MAP3K19: variants seen among roughly 807,000 people sequenced by gnomAD.
MAP3K19 encodes the protein mitogen-activated protein kinase kinase kinase 19.
MAP3K19 carries 91 observed loss-of-function variants against 114.4 expected under a neutral mutation model. The ratio of observed to expected loss-of-function variants is 0.80; its 90% confidence interval spans 0.67 to 0.95. The LOEUF (loss-of-function observed/expected upper bound fraction) is 0.95. Among genes scored for constraint, MAP3K19 ranks in the 40% least tolerant of loss-of-function variants. MAP3K19 has a pLI of 0.00. For missense variants in MAP3K19, 1,471 were observed against 1,573.2 expected (o/e 0.94, Z 1.10); for synonymous variants, 518 against 530.5 (o/e 0.98, Z 0.32).
intron 2 of MAP3K19, among the ~76,000 whole-genome samples, chr2:135,036,637 ATGTG>A (rs57859657): frequency 0.21 from 28,770 of 139,956 alleles, 3,249 homozygotes; most frequent in East Asian, 0.39. Flanking sequence ...GTTCAACATT[ATGTG>A]TGTGTGTGTG....
intron 6 of MAP3K19, among the ~76,000 whole-genome samples, chr2:135,003,568 G>GTTTGTTTT (rs1559170755): frequency 6.7e-6 from 1 of 149,506 alleles, no homozygotes; most frequent in East Asian, 1.9e-4. Flanking sequence ...TTGTTTGTTT[G>GTTTGTTTT]TTTTGAGACG....
chr2:135,006,848 G>GAA (rs1234202601), intron 5 of MAP3K19, among the ~76,000 whole-genome samples: 5 of 147,462 alleles, frequency 3.4e-5, no homozygotes, highest in Admixed American at 6.8e-5. Context: ...GAGAGAGAGA[G>GAA]AAAAAAGAAA....
chr2:135,035,688 CAAT>C (rs113181535), intron 2 of MAP3K19, among the ~76,000 whole-genome samples: 6,811 of 152,192 alleles, frequency 0.045, 509 homozygotes, highest in African/African-American at 0.16. Context: ...AATTTTATCT[CAAT>C]AAAGCTGTTT....
intron 6 of MAP3K19, among the ~76,000 whole-genome samples, chr2:135,004,203 G>A (rs1180240968): frequency 6.6e-6 from 1 of 152,202 alleles, no homozygotes; most frequent in Non-Finnish European, 1.5e-5. Flanking sequence ...CTCCTGGAAG[G>A]TGCTTGGGAC....
At chr2:135,002,933 T>G (rs1375055268) in intron 6 of MAP3K19, among the ~76,000 whole-genome samples, 1 of 152,122 alleles carries the variant, frequency 6.6e-6, no homozygotes, top group Non-Finnish European at 1.5e-5. Context: ...CACCGCACAT[T>G]AATATGTTGA....
Position 134,988,211 on chromosome 2 carries a change from C to A in MAP3K19, c.661G>T (p.Val221Phe). 1.2e-6 allele frequency: 2 copies of A among 1,600,840 alleles called. No individual in the cohort carries two copies. Among genetic ancestry groups the A allele is most frequent in the South Asian group, 2.2e-5 (2 of 88,962 alleles). Residue 221 changes from valine to phenylalanine, a missense_variant, in exon 10 of 13, where the codon GTC becomes TTC. Transcript: ENST00000392915. ...TTGTGATTTTGGGGGATAGTAAGGA[C>A]ACCAGATCGCGTGGGCAAGAGTGAC... Reference protein sequence around the residue: ...PLSLLPTRSGVLTIPQNHKFP... With the variant: ...PLSLLPTRSGFLTIPQNHKFP...
chr2:135,030,116 T>C (rs9678501), intron 3 of MAP3K19, among the ~76,000 whole-genome samples, 196 bp downstream of exon 3: 4,102 of 152,320 alleles, frequency 0.027, 165 homozygotes, highest in African/African-American at 0.092. Context: ...AATCGACTGC[T>C]CCTGTGTTCT....
chr2:135,003,079 G>A (rs1028712725), intron 6 of MAP3K19, among the ~76,000 whole-genome samples: 1 of 152,132 alleles, frequency 6.6e-6, no homozygotes, highest in Admixed American at 6.5e-5. Flanking sequence ...ACTCACTTGT[G>A]CTCTGCCTCT....
chr2:135,017,896 T>C (rs1332716555), intron 5 of MAP3K19, among the ~76,000 whole-genome samples: 3 of 152,348 alleles, frequency 2.0e-5, no homozygotes, highest in African/African-American at 7.2e-5. Context: ...ACTGTTGTTT[T>C]ATGTACCACT....
intron 4 of MAP3K19, among the ~76,000 whole-genome samples, chr2:135,022,592 C>A (rs1488657257): frequency 6.6e-6 from 1 of 152,140 alleles, no homozygotes. Flanking sequence ...GAAGTTATTT[C>A]TTGGGAATTG....
At chr2:135,035,938 G>C (rs973735945) in intron 2 of MAP3K19, among the ~76,000 whole-genome samples, 6 of 152,122 alleles carry the variant, frequency 3.9e-5, no homozygotes, top group Non-Finnish European at 7.4e-5. Context: ...GGGTTCAAGC[G>C]ATTTTCCTGC....
Position 135,024,866 on chromosome 2 carries a change from T to G in MAP3K19, c.-94-125A>C, listed in dbSNP as rs558141232. On this transcript the variant is annotated intron_variant, in intron 3 of 12. Coordinates refer to ENST00000392915, the MANE Select transcript of MAP3K19 (RefSeq NM_025052.5). ...GTAATCTTATGTAGTTTGGGGATAA[T>G]AATAATGATTTCAAAATGTGTGAAT... 1.5e-5 allele frequency: 7 copies of G among 473,312 alleles called. No individual in the cohort carries two copies. In the East Asian group the frequency reaches 2.4e-4, roughly 16 times the overall value. The allele number at this position is 473,312 out of a possible 1,614,324, so 29.3% of individuals were successfully genotyped here. A position where few individuals can be genotyped will look rare whatever the true frequency, so the allele number is the denominator to read the frequency against.
chr2:135,024,655 T>C lies in MAP3K19; in HGVS notation c.-8A>G. The C allele has an allele frequency of 6.2e-7, 1 of 1,613,230 alleles. No individual in the cohort carries two copies. The highest frequency in any genetic ancestry group is 8.5e-7 in the Non-Finnish European group (1 of 1,179,326). On this transcript the variant is annotated 5_prime_UTR_variant, in exon 4 of 13. Transcript: ENST00000392915. ...TTTTGGCATAGAACTCATTAAAATG[T>C]CCAAAAGCTGCTGTTTCTTTGAACT...
chr2:135,029,086 C>A (rs889736669), intron 3 of MAP3K19, among the ~76,000 whole-genome samples: 2 of 152,138 alleles, frequency 1.3e-5, no homozygotes, highest in African/African-American at 2.4e-5. Flanking sequence ...TAAAAACAGA[C>A]ATTGGGCCGG....
chr2:135,012,277 C>T (rs1256092278), intron 5 of MAP3K19, among the ~76,000 whole-genome samples: 1 of 151,894 alleles, frequency 6.6e-6, no homozygotes, highest in Non-Finnish European at 1.5e-5. Context: ...AGTGATGATA[C>T]CAGAAATGTC....
chr2:134,999,544 G>T lies in MAP3K19; in HGVS notation c.314+393C>A, dbSNP rs1686287974. 6.6e-6 allele frequency among the ~76,000 whole-genome samples: 1 copy of T among 152,164 alleles called. No individual in the cohort carries two copies. The highest frequency in any genetic ancestry group is 2.1e-4 in the South Asian group (1 of 4,824). The stretch of plus-strand genomic sequence containing the variant: ...TTTTTAATGGTCACCCTCGCAGCCT[G>T]TCCTGACCTCATCATGGACTAGTAA... On this transcript the variant is annotated intron_variant, in intron 7 of 12. Transcript: ENST00000392915. The surrounding 1 kb of genome is among the most constrained non-coding windows in gnomAD (Gnocchi z 4.1).
chr2:135,042,628 CTCTA>C (rs1282211555), intron 1 of MAP3K19, among the ~76,000 whole-genome samples: 1 of 152,086 alleles, frequency 6.6e-6, no homozygotes, highest in East Asian at 1.9e-4. Context: ...GAACTCAGGC[CTCTA>C]TCTGGGGCCG....
intron 6 of MAP3K19, among the ~76,000 whole-genome samples, chr2:135,004,963 G>A (rs1686711607): frequency 6.6e-6 from 1 of 152,170 alleles, no homozygotes; most frequent in Non-Finnish European, 1.5e-5. Context: ...AAAAGAAATG[G>A]ACAGGGAATG....
intron 5 of MAP3K19, among the ~76,000 whole-genome samples, chr2:135,015,351 T>C (rs1477984210): frequency 6.6e-6 from 1 of 152,236 alleles, no homozygotes; most frequent in East Asian, 1.9e-4. Flanking sequence ...TTTTTTTTGC[T>C]AAGTGTCTGA....
Sources: gnomAD v4.1 joint callset for allele counts (sites outside exome capture counted in the v4.1 genomes callset) on GRCh38, gnomAD v4.1.1 for gene constraint, Gnocchi (gnomAD v3.1) non-coding constraint, MANE v1.5 for transcripts, NCBI Gene and HGNC (gene_info 2026-07-23, HGNC 2026-07-21) for gene names.